The following PHF14 variants were observed in gnomAD, a reference collection of about 807,000 sequenced individuals.
The protein encoded by PHF14 is PHD finger protein 14.
PHF14 carries 55 observed loss-of-function variants against 117.9 expected under a neutral mutation model. That is an observed-to-expected ratio of 0.47 (90% CI 0.38 to 0.58). PHF14 has a LOEUF of 0.58. PHF14 is among the 20% of genes least tolerant of loss of function. The probability of loss-of-function intolerance (pLI) is 0.00; values close to 1 mark genes in which losing one functional copy is unlikely to be tolerated. For synonymous variants in PHF14, 409 were observed against 368.6 expected, an observed-to-expected ratio of 1.11 and a Z score of -1.26; for missense variants, 978 against 1,122.2, an observed-to-expected ratio of 0.87 and a Z score of 1.84.
intron 5 of PHF14, among the ~76,000 whole-genome samples, chr7:11,017,207 A>G (rs1007383672): frequency 2.0e-5 from 3 of 151,084 alleles, no homozygotes; most frequent in African/African-American, 7.2e-5. Context: ...GCTGCGACAA[A>G]TATAGGAGTG....
intron 17 of PHF14, among the ~76,000 whole-genome samples, chr7:11,145,026 T>C (rs1788505646): frequency 6.6e-6 from 1 of 152,000 alleles, no homozygotes; most frequent in South Asian, 2.1e-4. Flanking sequence ...AGATGAATGA[T>C]GGTGATGGTT....
At chr7:11,168,887 A>C (rs1276593287) in intron 17 of PHF14, among the ~76,000 whole-genome samples, 3 of 152,142 alleles carry the variant, frequency 2.0e-5, no homozygotes, top group Admixed American at 2.0e-4. Flanking sequence ...ATGAATTATG[A>C]GGCCACCACT....
chr7:11,139,793 G>T (rs1390122462), intron 17 of PHF14, among the ~76,000 whole-genome samples: 1 of 152,164 alleles, frequency 6.6e-6, no homozygotes, highest in East Asian at 1.9e-4. Context: ...AAGTAAAAAG[G>T]TAAATGTTTA....
intron 16 of PHF14, among the ~76,000 whole-genome samples, chr7:11,066,834 G>T (rs1785439584): frequency 6.6e-6 from 1 of 152,152 alleles, no homozygotes; most frequent in African/African-American, 2.4e-5. Context: ...GGAGTAAGCT[G>T]TTTCGTTTTT....
At chr7:11,145,993 A>G (rs1256906441) in intron 17 of PHF14, among the ~76,000 whole-genome samples, 1 of 152,078 alleles carries the variant, frequency 6.6e-6, no homozygotes, top group East Asian at 1.9e-4. Context: ...AATTTATCAC[A>G]AACTATTAAT....
chr7:11,114,965 A>T (rs1787556280), intron 17 of PHF14, among the ~76,000 whole-genome samples: 1 of 152,014 alleles, frequency 6.6e-6, no homozygotes. Flanking sequence ...TATTGTTAAT[A>T]AATGCCACAT....
chr7:11,092,919 A>G (rs1158963211), intron 16 of PHF14, among the ~76,000 whole-genome samples: 1 of 152,116 alleles, frequency 6.6e-6, no homozygotes, highest in Admixed American at 6.5e-5. Context: ...TTTCCCCCTA[A>G]TAGTGACCCT....
intron 17 of PHF14, among the ~76,000 whole-genome samples, chr7:11,116,870 A>G (rs1445660671): frequency 6.6e-6 from 1 of 151,968 alleles, no homozygotes; most frequent in Non-Finnish European, 1.5e-5. Context: ...CAATGTGTAT[A>G]ACCCAAGTCA....
intron 16 of PHF14, chr7:11,105,116 T>A: frequency 1.0e-6 from 1 of 971,234 alleles, no homozygotes. Flanking sequence ...GTGTTCACAA[T>A]TCACTCATCC....
intron 16 of PHF14, among the ~76,000 whole-genome samples, chr7:11,068,549 G>A (rs551921105): frequency 1.3e-5 from 2 of 152,216 alleles, no homozygotes; most frequent in African/African-American, 4.8e-5. Flanking sequence ...TGGGCAGTTA[G>A]TGTTTAAGGG....
chr7:11,042,468 G>C (rs1164205981), intron 12 of PHF14, among the ~76,000 whole-genome samples: 1 of 151,836 alleles, frequency 6.6e-6, no homozygotes, highest in Non-Finnish European at 1.5e-5. Flanking sequence ...ATTTTTACCA[G>C]ATCCAAGCTA....
intron 14 of PHF14, among the ~76,000 whole-genome samples, chr7:11,052,028 A>G (rs1418461793): frequency 6.6e-6 from 1 of 152,218 alleles, no homozygotes; most frequent in African/African-American, 2.4e-5. Context: ...CTTGAAAGAC[A>G]GACCATTCCC....
chr7:11,003,890 T>C (rs1036593012), intron 4 of PHF14, among the ~76,000 whole-genome samples: 3 of 152,186 alleles, frequency 2.0e-5, no homozygotes, highest in Non-Finnish European at 4.4e-5. Context: ...CAGGGGTTTT[T>C]TAACTTTATT....
Position 11,142,014 on chromosome 7 carries a change from C to A in PHF14, c.2773-27402C>A, listed in dbSNP as rs143740680. Among the ~76,000 whole-genome samples the A allele has an allele frequency of 4.7e-3, 710 of 152,020 alleles. 1 individual carries two copies. Among genetic ancestry groups the A allele is most frequent in the African/African-American group, 0.015 (641 of 41,524 alleles). On this transcript the variant is annotated intron_variant, in intron 17 of 17. Coordinates refer to ENST00000634607, the MANE Select transcript of PHF14 (RefSeq NM_001007157.2). The stretch of plus-strand genomic sequence containing the variant: ...AATATCTAGAAATCAGAAAAATAAG[C>A]AAATAGCTTCAATGCTTATTTTTAG...
intron 11 of PHF14, 103 bp downstream of exon 11, chr7:11,038,958 C>G: frequency 3.9e-6 from 2 of 508,010 alleles, no homozygotes; most frequent in South Asian, 3.5e-5. Flanking sequence ...CCGAAGAATT[C>G]TGTTTGATCA....
chr7:11,158,036 G>C (rs927436628), intron 17 of PHF14, among the ~76,000 whole-genome samples: 3 of 152,008 alleles, frequency 2.0e-5, no homozygotes, highest in Admixed American at 2.0e-4. Flanking sequence ...CTTCTCTTTA[G>C]GTTAACATCT....
At chr7:10,997,863 G>T (rs567744949) in intron 4 of PHF14, among the ~76,000 whole-genome samples, 16 of 152,154 alleles carry the variant, frequency 1.1e-4, no homozygotes, top group Non-Finnish European at 2.2e-4. Flanking sequence ...TCTAATATTG[G>T]TAGTGCATAC....
chr7:11,022,200 T>C (rs1179933018), intron 5 of PHF14, among the ~76,000 whole-genome samples: 1 of 152,192 alleles, frequency 6.6e-6, no homozygotes, highest in Non-Finnish European at 1.5e-5. Context: ...TATAGCATCA[T>C]TCAAACTTTA....
At chr7:11,086,992 G>C (rs1297453742) in intron 16 of PHF14, among the ~76,000 whole-genome samples, 2 of 151,998 alleles carry the variant, frequency 1.3e-5, no homozygotes, top group Non-Finnish European at 2.9e-5. Flanking sequence ...TTTTTACGTG[G>C]GGTAATATCA....
Sources: gnomAD v4.1 joint callset for allele counts (sites outside exome capture counted in the v4.1 genomes callset) on GRCh38, gnomAD v4.1.1 for gene constraint, MANE v1.5 for transcripts, NCBI Gene and HGNC (gene_info 2026-07-23, HGNC 2026-07-21) for gene names.